The following PDE8B variants were observed in gnomAD, a reference collection of about 807,000 sequenced individuals.
The protein encoded by PDE8B is high affinity cAMP-specific and IBMX-insensitive 3',5'-cyclic phosphodiesterase 8B.
A neutral mutation model predicts 101.3 loss-of-function variants in PDE8B; 26 were observed. The ratio of observed to expected loss-of-function variants is 0.26; its 90% CI spans 0.19 to 0.36. The LOEUF is 0.36. Ranked by LOEUF, PDE8B falls within the 10% of genes least tolerant of loss-of-function variation. The probability of loss-of-function intolerance (pLI) is 1.00; values close to 1 mark genes in which losing one functional copy is unlikely to be tolerated. For missense variants in PDE8B, 810 were observed against 1,163.1 expected (o/e 0.70, Z 4.42); for synonymous variants, 424 against 429.3 (o/e 0.99, Z 0.15).
intron 20 of PDE8B, among the ~76,000 whole-genome samples, chr5:77,424,819 G>GTTTTTT (rs912849753): frequency 9.1e-6 from 1 of 110,044 alleles, no homozygotes; most frequent in Non-Finnish European, 2.1e-5. Flanking sequence ...CTGTTTTTTT[G>GTTTTTT]TTTTTTGTTT....
intron 5 of PDE8B, among the ~76,000 whole-genome samples, chr5:77,333,420 G>GA (rs2150309654): frequency 6.6e-6 from 1 of 152,178 alleles, no homozygotes; most frequent in East Asian, 1.9e-4. Flanking sequence ...GTGTAATATT[G>GA]ACCCCCCGAC....
chr5:77,141,845 T>C, the PDE8B span: 1 of 152,216 alleles, frequency 6.6e-6, no homozygotes, highest in Non-Finnish European at 1.5e-5. Flanking sequence ...AAATGTAACA[T>C]ATTCACGTTC....
intron 1 of PDE8B, among the ~76,000 whole-genome samples, chr5:77,225,879 CA>C (rs1752269363): frequency 2.9e-5 from 3 of 102,378 alleles, no homozygotes; most frequent in Admixed American, 2.2e-4. Flanking sequence ...CACACACACA[CA>C]CCCCACGCAC....
the PDE8B span, among the ~76,000 whole-genome samples, chr5:77,184,785 GCTTAGGCAACATAGTGAGACC>G: frequency 6.6e-6 from 1 of 151,884 alleles, no homozygotes; most frequent in African/African-American, 2.4e-5. Context: ...TTTAAGACCA[GCTTAGGCAACATAGTGAGACC>G]CTTCTTTAAA....
At chr5:77,231,938 G>A (rs938357455) in intron 1 of PDE8B, among the ~76,000 whole-genome samples, 3 of 152,208 alleles carry the variant, frequency 2.0e-5, no homozygotes, top group Admixed American at 1.3e-4. Context: ...GCCTCCCACT[G>A]GTCACATCCA....
intron 10 of PDE8B, 145 bp downstream of exon 10, chr5:77,353,551 T>C (rs527677595): frequency 1.3e-4 from 90 of 692,682 alleles, no homozygotes; most frequent in Middle Eastern, 9.5e-4. Flanking sequence ...GAAAATTTGG[T>C]TCCTCTGACA....
At chr5:77,349,273 C>A in intron 7 of PDE8B, 146 bp from the exon 8 acceptor site, 3 of 1,027,998 alleles carry the variant, frequency 2.9e-6, no homozygotes, top group Non-Finnish European at 4.4e-6. Context: ...ACCTGGCCAG[C>A]TAACTGCATT....
intron 18 of PDE8B, among the ~76,000 whole-genome samples, chr5:77,418,875 C>T (rs1796085563): frequency 6.6e-6 from 1 of 152,140 alleles, no homozygotes. Flanking sequence ...TACCCCAGCC[C>T]CGCATTCTCT....
chr5:77,389,778 A>C (rs186261696), intron 10 of PDE8B, among the ~76,000 whole-genome samples: 10 of 151,836 alleles, frequency 6.6e-5, no homozygotes, highest in Non-Finnish European at 7.4e-5. Context: ...TCACTGTATC[A>C]TTTTTTTTCC....
the PDE8B span, among the ~76,000 whole-genome samples, chr5:77,126,988 G>A: frequency 6.6e-6 from 1 of 152,104 alleles, no homozygotes. Flanking sequence ...GCAGTGTATT[G>A]CTACAGGTAT....
At chr5:77,378,049 C>CACACACACACAT (rs1554093056) in intron 10 of PDE8B, among the ~76,000 whole-genome samples, 2,038 of 148,446 alleles carry the variant, frequency 0.014, 87 homozygotes, top group African/African-American at 0.049. Context: ...CACACACACA[C>CACACACACACAT]CCCCTGTTGG....
chr5:77,353,823 C>G (rs1328971242), intron 10 of PDE8B, among the ~76,000 whole-genome samples: 2 of 152,150 alleles, frequency 1.3e-5, no homozygotes, highest in Admixed American at 6.5e-5. Context: ...ACCCTTACAT[C>G]ATACAGAAGA....
intron 1 of PDE8B, among the ~76,000 whole-genome samples, chr5:77,212,759 C>A (rs1195702135): frequency 6.6e-6 from 1 of 152,136 alleles, no homozygotes. Context: ...CTCTCTCCCC[C>A]TCCCTGTTCA....
At chr5:77,092,694 G>A in the PDE8B span, among the ~76,000 whole-genome samples, 2 of 152,052 alleles carry the variant, frequency 1.3e-5, no homozygotes, top group Non-Finnish European at 1.5e-5. Flanking sequence ...CAAAGCAGGC[G>A]GATTACTTGA....
upstream of PDE8B, among the ~76,000 whole-genome samples, chr5:77,208,016 G>A (rs1444546694): frequency 6.6e-6 from 1 of 152,194 alleles, no homozygotes; most frequent in Non-Finnish European, 1.5e-5. Context: ...GAACTGTTCA[G>A]TTAACCCACT....
intron 10 of PDE8B, among the ~76,000 whole-genome samples, chr5:77,378,170 G>A (rs1198108015): frequency 6.6e-6 from 1 of 152,012 alleles, no homozygotes; most frequent in African/African-American, 2.4e-5. Context: ...AACTAGAAAT[G>A]TAGGTACTGG....
chr5:77,425,968 G>GGT (rs1798016775), intron 21 of PDE8B, 72 bp downstream of exon 21: 3 of 1,454,594 alleles, frequency 2.1e-6, no homozygotes, highest in Non-Finnish European at 2.9e-6. Flanking sequence ...AGTGACACAG[G>GGT]GTGAGCCTAA....
chr5:77,232,284 A>G (rs1449330440), intron 1 of PDE8B, among the ~76,000 whole-genome samples: 2 of 152,190 alleles, frequency 1.3e-5, no homozygotes, highest in Non-Finnish European at 2.9e-5. Context: ...AACTTTGTAC[A>G]TTCTCCTTAT....
chr5:77,113,995 A>G, the PDE8B span: 3 of 152,240 alleles, frequency 2.0e-5, no homozygotes, highest in African/African-American at 7.2e-5. Flanking sequence ...GGCGGCCATT[A>G]AAAAGTCAGG....
Sources: gnomAD v4.1 joint callset for allele counts (sites outside exome capture counted in the v4.1 genomes callset) on GRCh38, gnomAD v4.1.1 for gene constraint, MANE v1.5 for transcripts, NCBI Gene and HGNC (gene_info 2026-07-23, HGNC 2026-07-21) for gene names.